PKHD1: variants seen among roughly 807,000 people sequenced by gnomAD.
PKHD1 encodes the protein PKHD1 ciliary IPT domain containing fibrocystin/polyductin, also known as fibrocystin.
Under a neutral mutation model 412.0 loss-of-function variants are expected in PKHD1, and 291 were observed. That is an observed-to-expected ratio of 0.71 (90% CI 0.64 to 0.78). PKHD1 has a LOEUF of 0.78. Ranked by LOEUF, PKHD1 falls within the 30% of genes least tolerant of loss-of-function variation. The pLI, the probability that PKHD1 is intolerant of heterozygous loss-of-function variation, is 0.00. For missense variants in PKHD1, 4,825 were observed against 4,950.7 expected (o/e 0.97, Z 0.76); for synonymous variants, 1,777 against 1,821.5 (o/e 0.98, Z 0.62).
intron 36 of PKHD1, among the ~76,000 whole-genome samples, chr6:51,947,608 T>C (rs554404038): frequency 4.3e-4 from 66 of 152,248 alleles, no homozygotes; most frequent in Middle Eastern, 6.8e-3. Context: ...TTCTTAGGCA[T>C]CCTCTTCTCA....
Position 51,912,588 on chromosome 6 carries a change from C to A in PKHD1, c.6122-12G>T. 6.3e-7 allele frequency: 1 copy of A among 1,577,360 alleles called. No homozygotes were observed. The highest frequency in any genetic ancestry group is 8.7e-7 in the Non-Finnish European group (1 of 1,147,010). ...TTCTGGTAGTGAACCTAAAGCAGCCCGAGGAAAAGTTGTCCAGATAATTTA... is the reference window on the plus strand; with the variant it reads ...TTCTGGTAGTGAACCTAAAGCAGCCAGAGGAAAAGTTGTCCAGATAATTTA... On this transcript the variant is annotated splice_polypyrimidine_tract_variant and intron_variant, in intron 37 of 66. Transcript: ENST00000371117.
chr6:51,691,885 C>T (rs1188960386), intron 60 of PKHD1, among the ~76,000 whole-genome samples: 1 of 152,126 alleles, frequency 6.6e-6, no homozygotes, highest in African/African-American at 2.4e-5. Context: ...AGTATTTTAT[C>T]ACCTAGAGAT....
chr6:52,009,398 GA>G (rs1487275870), intron 35 of PKHD1, among the ~76,000 whole-genome samples: 3 of 152,222 alleles, frequency 2.0e-5, no homozygotes, highest in African/African-American at 7.2e-5. Flanking sequence ...CCAGGAAGCT[GA>G]CTTTTGGATT....
chr6:51,659,269 C>T lies in PKHD1; in HGVS notation c.10857G>A (p.Lys3619=), dbSNP rs1353113121. Residue 3619 remains lysine (K), a synonymous_variant, in exon 61 of 67, where the codon AAG becomes AAA. Transcript: ENST00000371117. ...KAIADSRAKR[K]RNCPTVTCTS... ...TGCAAGTCACAGTAGGGCAATTGCGCTTTCTTTTTGCTCTACTGTCAGCAA... is the reference window on the plus strand; with the variant it reads ...TGCAAGTCACAGTAGGGCAATTGCGTTTTCTTTTTGCTCTACTGTCAGCAA... 4.3e-6 allele frequency: 7 copies of T among 1,613,860 alleles called. No homozygotes were observed. The highest frequency in any genetic ancestry group is 4.2e-6 in the Non-Finnish European group (5 of 1,179,880).
chr6:51,931,269 T>A (rs999990007), intron 37 of PKHD1, among the ~76,000 whole-genome samples: 4 of 152,152 alleles, frequency 2.6e-5, no homozygotes, highest in African/African-American at 9.7e-5. Context: ...AGTTGGTGAA[T>A]CTCCTCATTA....
Position 51,716,780 on chromosome 6 carries a change from C to T in PKHD1, c.10156+27605G>A, listed in dbSNP as rs117749326. Among the ~76,000 whole-genome samples the T allele has an allele frequency of 1.4e-3, 210 of 152,152 alleles. 2 individuals are homozygous for T. In the East Asian group the frequency reaches 0.038, roughly 27 times the overall value. On this transcript the variant is annotated intron_variant, in intron 60 of 66. Coordinates refer to ENST00000371117, the MANE Select transcript of PKHD1 (RefSeq NM_138694.4). Reference sequence around the variant, plus strand: ...ATCAGGAGAAAAAAATTCTTTGTCACCTGAGATGACTAAACTGGGTTTACT... The same window carrying T: ...ATCAGGAGAAAAAAATTCTTTGTCATCTGAGATGACTAAACTGGGTTTACT...
chr6:51,890,942 G>C (rs1477953266), intron 43 of PKHD1, among the ~76,000 whole-genome samples: 1 of 152,206 alleles, frequency 6.6e-6, no homozygotes, highest in Non-Finnish European at 1.5e-5. Context: ...GAGATTATCT[G>C]CAGTTGTCAT....
chr6:52,053,071 A>G lies in PKHD1; in HGVS notation c.2140+5T>C. 6.2e-7 allele frequency: 1 copy of G among 1,613,684 alleles called. No homozygotes were observed. Among genetic ancestry groups the G allele is most frequent in the Non-Finnish European group, 8.5e-7 (1 of 1,179,752 alleles). On this transcript the variant is annotated splice_donor_5th_base_variant and intron_variant, in intron 21 of 66. Coordinates refer to ENST00000371117, the MANE Select transcript of PKHD1 (RefSeq NM_138694.4). ...CTTGTGGAGGAGAGAGAATTTGATG[A>G]TTACCTGTTACGTTTGTGTCTGCAA...
intron 37 of PKHD1, 32 bp from the exon 38 acceptor site, chr6:51,912,608 A>G (rs746046406): frequency 1.5e-6 from 2 of 1,370,550 alleles, no homozygotes; most frequent in Middle Eastern, 3.6e-4. Flanking sequence ...TTGTCCAGAT[A>G]ATTTAATCAT....
At chr6:51,819,507 T>G (rs751920035) in intron 52 of PKHD1, among the ~76,000 whole-genome samples, 10 of 152,100 alleles carry the variant, frequency 6.6e-5, no homozygotes, top group Non-Finnish European at 1.0e-4. Context: ...GGTCCAGGTC[T>G]TACAGTATAT....
At chr6:51,975,984 A>C (rs868712353) in intron 35 of PKHD1, 9 of 151,020 alleles carry the variant, frequency 6.0e-5, no homozygotes, top group Admixed American at 2.6e-4. Flanking sequence ...AAAAAAAAAA[A>C]AAAAAACAGA....
intron 58 of PKHD1, 21 bp from the exon 59 acceptor site, chr6:51,746,910 A>G: frequency 7.2e-7 from 1 of 1,397,130 alleles, no homozygotes; most frequent in East Asian, 2.5e-5. Context: ...AAAAATATGT[A>G]TCATAATATT....
chr6:51,736,134 A>G (rs1304811755), intron 60 of PKHD1, among the ~76,000 whole-genome samples: 4 of 152,138 alleles, frequency 2.6e-5, no homozygotes, highest in South Asian at 2.1e-4. Flanking sequence ...AGCCAGAAAT[A>G]TGGTGGACAC....
chr6:52,011,478 G>A lies in PKHD1; in HGVS notation c.5601-1019C>T, dbSNP rs78290145. Among the ~76,000 whole-genome samples, 296 of 152,258 alleles carry A rather than the reference G, an allele frequency of 1.9e-3. 3 individuals are homozygous for A. Among genetic ancestry groups the A allele is most frequent in the African/African-American group, 6.7e-3 (280 of 41,554 alleles). ...TCAAACACAGAACTACGGTAGCTCC[G>A]AGGTCAAAACCAGATGGTCCTGTTT... On this transcript the variant is annotated intron_variant, in intron 34 of 66. Transcript: ENST00000371117.
Position 51,959,176 on chromosome 6 carries a change from T to A in PKHD1, c.5908+694A>T, listed in dbSNP as rs141478723. On this transcript the variant is annotated intron_variant, in intron 36 of 66. Coordinates refer to ENST00000371117, the MANE Select transcript of PKHD1 (RefSeq NM_138694.4). ...GAGTTTCATAGAGATCCATAACTAA[T>A]CATATCTCCCATGTAATTTTCATTT... is the stretch of plus-strand genomic sequence containing the variant. Among the ~76,000 whole-genome samples the A allele has an allele frequency of 1.2e-4, 19 of 152,252 alleles. No homozygotes were observed. The East Asian group carries it at 3.7e-3, about 29-fold the overall frequency.
intron 66 of PKHD1, among the ~76,000 whole-genome samples, chr6:51,624,293 AT>A (rs1766982008): frequency 6.6e-6 from 1 of 152,182 alleles, no homozygotes; most frequent in Non-Finnish European, 1.5e-5. Flanking sequence ...CAACTACTAT[AT>A]TTTATCCATG....
chr6:51,680,169 A>G (rs915559207), intron 60 of PKHD1, among the ~76,000 whole-genome samples: 1 of 152,024 alleles, frequency 6.6e-6, no homozygotes, highest in African/African-American at 2.4e-5. Context: ...AGAGATTTGG[A>G]AAATAGTCTC....
chr6:52,011,077 A>C (rs775119097), intron 34 of PKHD1, among the ~76,000 whole-genome samples: 4 of 152,216 alleles, frequency 2.6e-5, no homozygotes, highest in Non-Finnish European at 5.9e-5. Flanking sequence ...TTAACAGCCC[A>C]GACTAAGGAG....
chr6:51,759,734 G>A (rs911891070), intron 55 of PKHD1, among the ~76,000 whole-genome samples: 7 of 152,054 alleles, frequency 4.6e-5, no homozygotes, highest in Non-Finnish European at 7.4e-5. Flanking sequence ...AACACCTCAT[G>A]TGCATTAACT....
Sources: allele counts gnomAD v4.1 joint callset (sites outside exome capture counted in the v4.1 genomes callset), GRCh38; gene constraint gnomAD v4.1.1; transcripts MANE v1.5; gene names NCBI Gene and HGNC (gene_info 2026-07-23, HGNC 2026-07-21).